The following CPPED1 variants were observed in gnomAD, a reference collection of about 807,000 sequenced individuals.
The protein encoded by CPPED1 is calcineurin like phosphoesterase domain containing 1.
A neutral mutation model predicts 28.0 loss-of-function variants in CPPED1; 28 were observed. The ratio of observed to expected loss-of-function variants is 1.00; its 90% CI spans 0.74 to 1.37. The LOEUF is 1.37. CPPED1 is among the 40% of genes most tolerant of loss of function. CPPED1 has a pLI of 0.00. For synonymous variants in CPPED1, 198 were observed against 180.2 expected, an observed-to-expected ratio of 1.10 and a Z score of -0.79; for missense variants, 504 against 416.5, an observed-to-expected ratio of 1.21 and a Z score of -1.83.
chr16:12,748,427 A>C (rs2080305148), intron 2 of CPPED1, among the ~76,000 whole-genome samples: 1 of 152,210 alleles, frequency 6.6e-6, no homozygotes, highest in Non-Finnish European at 1.5e-5. Flanking sequence ...ATAAGCTTAT[A>C]TATTTCTGAG....
chr16:12,736,394 C>T (rs1225244819), intron 2 of CPPED1, among the ~76,000 whole-genome samples: 1 of 152,020 alleles, frequency 6.6e-6, no homozygotes, highest in Non-Finnish European at 1.5e-5. Context: ...CACATACCAC[C>T]ATGCCTGGCT....
chr16:12,662,154 G>T lies in CPPED1; in HGVS notation c.*2732C>A, dbSNP rs2079798621. ...TCAAAACCATAGCACTTAGAATCAG[G>T]AAGTCCTTTTATCGTTTTTCACAGT... On this transcript the variant is annotated 3_prime_UTR_variant, in exon 4 of 4. Coordinates refer to ENST00000381774, the MANE Select transcript of CPPED1 (RefSeq NM_018340.3). The T allele has an allele frequency of 6.6e-6, 1 of 152,134 alleles. No homozygotes were observed. The allele number at this position is 152,134 out of a possible 1,614,324, so 9.4% of individuals were successfully genotyped here. A position where few individuals can be genotyped will look rare whatever the true frequency, so the allele number is the denominator to read the frequency against.
chr16:12,705,198 G>A (rs573922486), intron 2 of CPPED1, 149 bp from the exon 3 acceptor site: 16 of 854,636 alleles, frequency 1.9e-5, no homozygotes, highest in East Asian at 2.7e-5. Context: ...ATGCAGTCAC[G>A]TGCTAAAAGC....
At chr16:12,696,483 C>T (rs548395783) in intron 3 of CPPED1, among the ~76,000 whole-genome samples, 2 of 149,268 alleles carry the variant, frequency 1.3e-5, no homozygotes, top group Admixed American at 6.7e-5. Flanking sequence ...CTCAGTCGCC[C>T]AGGGTGGAAT....
intron 3 of CPPED1, among the ~76,000 whole-genome samples, chr16:12,688,610 T>C (rs1204414993): frequency 2.0e-5 from 3 of 152,148 alleles, no homozygotes; most frequent in Non-Finnish European, 4.4e-5. Context: ...GTACTGGGAT[T>C]ACAGGCCTGA....
At chr16:12,780,275 G>T (rs764310482) in intron 2 of CPPED1, among the ~76,000 whole-genome samples, 4 of 152,216 alleles carry the variant, frequency 2.6e-5, no homozygotes, top group Admixed American at 2.6e-4. Context: ...CGCCTCCTGG[G>T]TTCAAGCAAG....
At chr16:12,686,242 T>TATATA (rs58075629) in intron 3 of CPPED1, among the ~76,000 whole-genome samples, 1 of 112,644 alleles carries the variant, frequency 8.9e-6, no homozygotes, top group South Asian at 2.8e-4. Flanking sequence ...TATATATATA[T>TATATA]TTTTTTTTTT....
rs1322862232 is a variant in CPPED1 at position 12,750,996 on chromosome 16, C to CA, written c.289+30188dup. ...AAAGGAAAAACAAACAAACAAACAACAACAACAAAAAAAACAGAAAAAATG... is the reference window on the plus strand; with the variant it reads ...AAAGGAAAAACAAACAAACAAACAACAAACAACAAAAAAAACAGAAAAAATG... On this transcript the variant is annotated intron_variant, in intron 2 of 3. Transcript: ENST00000381774. Among the ~76,000 whole-genome samples, 8 of 150,214 alleles carry CA rather than the reference C, an allele frequency of 5.3e-5. No individual in the cohort carries two copies. The East Asian group carries it at 5.9e-4, about 11-fold the overall frequency.
At chr16:12,721,046 G>A (rs1289379014) in intron 2 of CPPED1, among the ~76,000 whole-genome samples, 1 of 152,170 alleles carries the variant, frequency 6.6e-6, no homozygotes, top group African/African-American at 2.4e-5. Flanking sequence ...CTTTTCTTAG[G>A]ATTTTAATAT....
intron 3 of CPPED1, among the ~76,000 whole-genome samples, chr16:12,696,244 C>T (rs1033794305): frequency 6.6e-6 from 1 of 152,152 alleles, no homozygotes; most frequent in Non-Finnish European, 1.5e-5. Context: ...CCAGGTCCGC[C>T]TGTCCTGGAG....
intron 2 of CPPED1, among the ~76,000 whole-genome samples, chr16:12,719,347 C>T (rs1243082803): frequency 1.3e-5 from 2 of 150,304 alleles, no homozygotes; most frequent in Non-Finnish European, 3.0e-5. Context: ...GCCGAGATAG[C>T]GCCACTGCAT....
intron 2 of CPPED1, among the ~76,000 whole-genome samples, chr16:12,749,088 G>A (rs2080310517): frequency 6.6e-6 from 1 of 152,022 alleles, no homozygotes; most frequent in Admixed American, 6.6e-5. Flanking sequence ...GGGTGGCTGG[G>A]GCAATTTCTT....
intron 2 of CPPED1, among the ~76,000 whole-genome samples, chr16:12,768,500 A>G (rs1053583465): frequency 6.6e-6 from 1 of 152,238 alleles, no homozygotes; most frequent in Non-Finnish European, 1.5e-5. Context: ...TTAAAGGTAC[A>G]GTTTCACCAT....
chr16:12,801,873 G>A (rs985092175), intron 1 of CPPED1, among the ~76,000 whole-genome samples: 4 of 152,124 alleles, frequency 2.6e-5, no homozygotes, highest in African/African-American at 7.2e-5. Context: ...CCACTCCCAC[G>A]CCTCAAAGGA....
chr16:12,765,597 A>G (rs899922428), intron 2 of CPPED1, among the ~76,000 whole-genome samples: 1 of 152,248 alleles, frequency 6.6e-6, no homozygotes, highest in African/African-American at 2.4e-5. Flanking sequence ...CTTCACAAGA[A>G]TATTTATGGA....
At chr16:12,668,521 G>A (rs1439402075) in intron 3 of CPPED1, among the ~76,000 whole-genome samples, 3 of 152,122 alleles carry the variant, frequency 2.0e-5, no homozygotes, top group African/African-American at 7.2e-5. Context: ...CAACTTTTGT[G>A]CTCCCAAAAC....
At chr16:12,761,705 C>T (rs896624584) in intron 2 of CPPED1, among the ~76,000 whole-genome samples, 4 of 152,104 alleles carry the variant, frequency 2.6e-5, no homozygotes, top group Non-Finnish European at 4.4e-5. Context: ...AATCTTCAGA[C>T]AACATGTTCT....
At position 12,663,820 on chromosome 16, in the gene CPPED1, T is replaced by C. The variant is rs899813619; in HGVS notation, c.*1066A>G. 8.5e-5 allele frequency: 13 copies of C among 152,288 alleles called. No individual in the cohort carries two copies. Among genetic ancestry groups the C allele is most frequent in the South Asian group, 4.1e-4 (2 of 4,826 alleles). 9.4% of individuals were successfully genotyped at this position (152,288 alleles called of 1,614,324 possible). A position where few individuals can be genotyped will look rare whatever the true frequency, so the allele number is the denominator to read the frequency against. The stretch of plus-strand genomic sequence containing the variant: ...AGAACAATGGCTGTAAAGGAGAAAA[T>C]TGAGCAGTGGTCAGAAGCTGCTGAG... On this transcript the variant is annotated 3_prime_UTR_variant, in exon 4 of 4. Transcript: ENST00000381774.
intron 2 of CPPED1, among the ~76,000 whole-genome samples, chr16:12,732,592 A>C (rs542045994): frequency 3.9e-5 from 6 of 152,108 alleles, no homozygotes; most frequent in Non-Finnish European, 8.8e-5. Context: ...GACTCATACC[A>C]AAGTCCCTCA....
Sources: gnomAD v4.1 joint callset for allele counts (sites outside exome capture counted in the v4.1 genomes callset) on GRCh38, gnomAD v4.1.1 for gene constraint, MANE v1.5 for transcripts, NCBI Gene and HGNC (gene_info 2026-07-23, HGNC 2026-07-21) for gene names.